The following LCLAT1 variants were observed in gnomAD, a reference collection of about 807,000 sequenced individuals.
LCLAT1 encodes the protein 1-AGP acyltransferase 8.
A neutral mutation model predicts 30.7 loss-of-function variants in LCLAT1; 11 were observed. That is an observed-to-expected ratio of 0.36 (90% CI 0.23 to 0.59). The LOEUF is 0.59. LCLAT1 is among the 20% of genes least tolerant of loss of function. The probability of loss-of-function intolerance (pLI) is 0.77; values close to 1 mark genes in which losing one functional copy is unlikely to be tolerated. For synonymous variants in LCLAT1, 155 were observed against 151.3 expected (o/e 1.02, Z -0.18); for missense variants, 402 against 458.6 (o/e 0.88, Z 1.13).
At chr2:30,614,758 G>A (rs933061796) in intron 5 of LCLAT1, among the ~76,000 whole-genome samples, 2 of 152,124 alleles carry the variant, frequency 1.3e-5, no homozygotes, top group African/African-American at 2.4e-5. Context: ...CTGCAAGACT[G>A]AAAGAGATCA....
At chr2:30,625,923 T>TAA (rs1394134104) in intron 5 of LCLAT1, among the ~76,000 whole-genome samples, 5 of 152,214 alleles carry the variant, frequency 3.3e-5, no homozygotes, top group South Asian at 2.1e-4. Context: ...CAAGGGCTCT[T>TAA]ACGATACTTA....
chr2:30,498,329 C>G (rs1344108339), intron 1 of LCLAT1, among the ~76,000 whole-genome samples: 3 of 152,134 alleles, frequency 2.0e-5, no homozygotes, highest in African/African-American at 7.2e-5. Flanking sequence ...AGGACCTTGG[C>G]CTGGGACCAA....
At chr2:30,608,798 A>G (rs1242547896) in intron 5 of LCLAT1, among the ~76,000 whole-genome samples, 1 of 152,130 alleles carries the variant, frequency 6.6e-6, no homozygotes, top group Non-Finnish European at 1.5e-5. Context: ...CTCTCAGAAC[A>G]TATCCCCGTC....
intron 1 of LCLAT1, among the ~76,000 whole-genome samples, chr2:30,462,922 C>T (rs1682237117): frequency 1.3e-5 from 2 of 152,038 alleles, no homozygotes; most frequent in Admixed American, 6.5e-5. Flanking sequence ...TTTAAAAAGT[C>T]TTCTTTGTAC....
At chr2:30,622,405 T>G (rs1005001004) in intron 5 of LCLAT1, among the ~76,000 whole-genome samples, 6 of 152,082 alleles carry the variant, frequency 3.9e-5, no homozygotes, top group Non-Finnish European at 7.4e-5. Context: ...CAAATACTTA[T>G]CCAGACAGCC....
chr2:30,590,605 A>G (rs1480934580), intron 5 of LCLAT1, among the ~76,000 whole-genome samples: 1 of 150,880 alleles, frequency 6.6e-6, no homozygotes, highest in Non-Finnish European at 1.5e-5. Context: ...GAAATGAAGA[A>G]GCAAATTACA....
intron 5 of LCLAT1, among the ~76,000 whole-genome samples, chr2:30,624,330 T>C (rs2148519888): frequency 6.6e-6 from 1 of 152,292 alleles, no homozygotes; most frequent in Middle Eastern, 3.4e-3. Context: ...AATGGCAGAA[T>C]GGATAACAAT....
intron 1 of LCLAT1, among the ~76,000 whole-genome samples, chr2:30,478,282 G>A (rs2148304281): frequency 6.6e-6 from 1 of 152,260 alleles, no homozygotes; most frequent in East Asian, 1.9e-4. Flanking sequence ...TTTGTAGGCT[G>A]ACGTGAAAAC....
intron 5 of LCLAT1, among the ~76,000 whole-genome samples, chr2:30,624,162 T>C (rs1168621454): frequency 6.6e-6 from 1 of 152,104 alleles, no homozygotes; most frequent in African/African-American, 2.4e-5. Context: ...TAGAACCTCC[T>C]TAAAGCATAA....
intron 5 of LCLAT1, among the ~76,000 whole-genome samples, chr2:30,631,732 G>A (rs1668780110): frequency 6.6e-6 from 1 of 152,172 alleles, no homozygotes; most frequent in Non-Finnish European, 1.5e-5. Context: ...ACTCAGCCTT[G>A]ACTTTCCACG....
In LCLAT1 at chr2:30,637,436, C is replaced by T. The variant is rs749328429; in HGVS notation, c.629-2681C>T. On this transcript the variant is annotated intron_variant, in intron 5 of 5. Coordinates refer to ENST00000379509, the MANE Select transcript of LCLAT1 (RefSeq NM_001002257.3). Reference sequence around the variant, plus strand: ...ATAGGGTCTTTTTTAGATACTTGATCGGACAGCCCACCTTTCAGCATGTAA... The same window carrying T: ...ATAGGGTCTTTTTTAGATACTTGATTGGACAGCCCACCTTTCAGCATGTAA... Among the ~76,000 whole-genome samples, 6 of 152,020 alleles carry T rather than the reference C, an allele frequency of 3.9e-5. No homozygotes were observed. The East Asian group carries it at 7.8e-4, about 20-fold the overall frequency.
intron 5 of LCLAT1, among the ~76,000 whole-genome samples, chr2:30,627,157 T>G (rs1272116622): frequency 6.6e-6 from 1 of 152,174 alleles, no homozygotes; most frequent in Non-Finnish European, 1.5e-5. Flanking sequence ...CTTATTTTAA[T>G]AGCGATCTTG....
At chr2:30,534,439 G>A (rs1027700583) in intron 3 of LCLAT1, among the ~76,000 whole-genome samples, 1 of 152,032 alleles carries the variant, frequency 6.6e-6, no homozygotes, top group African/African-American at 2.4e-5. Context: ...CACCACGCCT[G>A]GCTAATTTTT....
intron 4 of LCLAT1, among the ~76,000 whole-genome samples, chr2:30,562,507 A>C (rs1320378298): frequency 6.6e-6 from 1 of 151,866 alleles, no homozygotes; most frequent in South Asian, 2.1e-4. Flanking sequence ...TTCATCTCAA[A>C]AAAACAAAAC....
intron 3 of LCLAT1, among the ~76,000 whole-genome samples, chr2:30,560,612 C>T (rs1665167746): frequency 6.6e-6 from 1 of 152,106 alleles, no homozygotes; most frequent in African/African-American, 2.4e-5. Context: ...GCTGGGATTA[C>T]AGGCATGAGC....
intron 5 of LCLAT1, among the ~76,000 whole-genome samples, chr2:30,579,290 A>C (rs1399099009): frequency 1.3e-5 from 2 of 152,194 alleles, no homozygotes; most frequent in Non-Finnish European, 2.9e-5. Flanking sequence ...CTTGCCCTGT[A>C]CATATTATCT....
intron 1 of LCLAT1, among the ~76,000 whole-genome samples, chr2:30,524,267 C>A (rs1572569193): frequency 6.6e-6 from 1 of 152,104 alleles, no homozygotes; most frequent in East Asian, 1.9e-4. Flanking sequence ...TTGGAAATAG[C>A]CAGTGAAGAG....
intron 4 of LCLAT1, among the ~76,000 whole-genome samples, chr2:30,566,724 G>A (rs1665500156): frequency 6.6e-6 from 1 of 152,158 alleles, no homozygotes; most frequent in Admixed American, 6.5e-5. Context: ...AGTATTTCAT[G>A]ATCTCTCCCA....
intron 3 of LCLAT1, among the ~76,000 whole-genome samples, chr2:30,545,667 A>G (rs915000860): frequency 6.6e-6 from 1 of 152,132 alleles, no homozygotes; most frequent in African/African-American, 2.4e-5. Flanking sequence ...ATAGAGTTCA[A>G]CTGTCTCTGA....
Sources: allele counts gnomAD v4.1 joint callset (sites outside exome capture counted in the v4.1 genomes callset), GRCh38; gene constraint gnomAD v4.1.1; transcripts MANE v1.5; gene names NCBI Gene and HGNC (gene_info 2026-07-23, HGNC 2026-07-21).